The following RAB3C variants were observed in gnomAD, a reference collection of about 807,000 sequenced individuals.
RAB3C encodes the protein RAB3C, member RAS oncogene family, also known as ras-related protein Rab-3C.
In RAB3C, 17 loss-of-function variants were observed where a neutral mutation model predicts 26.4. The observed-to-expected ratio is 0.64, with a 90% CI of 0.44 to 0.97. The LOEUF (loss-of-function observed/expected upper bound fraction) is 0.97, where lower values mean the gene tolerates loss of function less well. Among genes scored for constraint, RAB3C ranks in the 50% least tolerant of loss-of-function variants. RAB3C has a pLI of 0.00. For synonymous variants in RAB3C, 91 were observed against 95.9 expected (o/e 0.95, Z 0.30); for missense variants, 242 against 281.9 (o/e 0.86, Z 1.01).
At chr5:58,781,626 G>A (rs1267153948) in intron 3 of RAB3C, among the ~76,000 whole-genome samples, 1 of 151,948 alleles carries the variant, frequency 6.6e-6, no homozygotes, top group African/African-American at 2.4e-5. Flanking sequence ...TTACTCTTTT[G>A]TTCATGTTTC....
intron 1 of RAB3C, among the ~76,000 whole-genome samples, chr5:58,598,991 A>C (rs1401460127): frequency 6.6e-6 from 1 of 152,126 alleles, no homozygotes; most frequent in South Asian, 2.1e-4. Flanking sequence ...TCCTTTGCTC[A>C]TCTCGCTATT....
chr5:58,693,386 C>G (rs1213582692), intron 2 of RAB3C, among the ~76,000 whole-genome samples: 1 of 135,378 alleles, frequency 7.4e-6, no homozygotes, highest in Non-Finnish European at 1.5e-5. Flanking sequence ...CCTTGCAATT[C>G]ACCTGGACTG....
chr5:58,743,768 A>C (rs2111951194), intron 3 of RAB3C, among the ~76,000 whole-genome samples: 1 of 152,298 alleles, frequency 6.6e-6, no homozygotes. Flanking sequence ...AATCTCTCCA[A>C]GTGGATTGCA....
In RAB3C at chr5:58,850,426, T is replaced by C. The variant is rs1483584590; in HGVS notation, c.497-738T>C. The stretch of plus-strand genomic sequence containing the variant: ...CCCTGGAGGGCTGTTGGAATAACAC[T>C]ACTCAAAAATTTTCTGAAGGAGGTT... On this transcript the variant is annotated intron_variant, in intron 4 of 4. Coordinates refer to ENST00000282878, the MANE Select transcript of RAB3C (RefSeq NM_138453.4). 2.0e-5 allele frequency among the ~76,000 whole-genome samples: 3 copies of C among 152,218 alleles called. No individual in the cohort carries two copies. In the East Asian group the frequency reaches 5.8e-4, roughly 29 times the overall value.
At chr5:58,722,768 G>A (rs1015231170) in intron 2 of RAB3C, among the ~76,000 whole-genome samples, 1 of 151,804 alleles carries the variant, frequency 6.6e-6, no homozygotes, top group Admixed American at 6.6e-5. Flanking sequence ...AAGTTCAAGA[G>A]TTGCTTCTTT....
rs1038370917 is a variant in RAB3C, at chr5:58,859,264, G to A, written c.*7913G>A. ...AATTATCTTTATTGAAATTAATTGT[G>A]TAAAAATGGTATGTGCTCTATTAGG... On this transcript the variant is annotated 3_prime_UTR_variant, in exon 5 of 5. Coordinates refer to ENST00000282878, the MANE Select transcript of RAB3C (RefSeq NM_138453.4). 3 of 152,188 alleles carry A rather than the reference G, an allele frequency of 2.0e-5. No homozygotes were observed. Among genetic ancestry groups the A allele is most frequent in the African/African-American group, 4.8e-5 (2 of 41,452 alleles). 9.4% of individuals were successfully genotyped at this position (152,188 alleles called of 1,614,324 possible).
At chr5:58,777,633 A>G (rs1374381833) in intron 3 of RAB3C, among the ~76,000 whole-genome samples, 1 of 149,418 alleles carries the variant, frequency 6.7e-6, no homozygotes, top group African/African-American at 2.5e-5. Flanking sequence ...TATAGGGTAC[A>G]TGTGCACAAC....
chr5:58,752,539 A>G (rs1741554588), intron 3 of RAB3C, among the ~76,000 whole-genome samples: 1 of 151,936 alleles, frequency 6.6e-6, no homozygotes. Context: ...GTTCATCTTG[A>G]ACTCTTTAGG....
At chr5:58,683,173 CT>C (rs1162763020) in intron 2 of RAB3C, among the ~76,000 whole-genome samples, 3 of 152,134 alleles carry the variant, frequency 2.0e-5, no homozygotes, top group Non-Finnish European at 4.4e-5. Context: ...TATTATATAG[CT>C]TTACACCATG....
At chr5:58,805,603 AAG>A (rs1554019804) in intron 3 of RAB3C, among the ~76,000 whole-genome samples, 1 of 132,936 alleles carries the variant, frequency 7.5e-6, no homozygotes, top group African/African-American at 2.8e-5. Context: ...AAAAAAAAAA[AAG>A]AGAGAGAGAG....
chr5:58,851,378 G>C lies in RAB3C; in HGVS notation c.*27G>C, dbSNP rs769449845. 6.5e-7 allele frequency: 1 copy of C among 1,537,662 alleles called. No individual in the cohort carries two copies. The highest frequency in any genetic ancestry group is 8.7e-7 in the Non-Finnish European group (1 of 1,145,980). On this transcript the variant is annotated 3_prime_UTR_variant, in exon 5 of 5. Coordinates refer to ENST00000282878, the MANE Select transcript of RAB3C (RefSeq NM_138453.4). ...GTCCCCGTGCACACAGGCAGCTCCA[G>C]GGGGCTCTGGTTGCCAACAAACAGC... is the stretch of plus-strand genomic sequence containing the variant.
At chr5:58,793,286 C>T (rs1321723959) in intron 3 of RAB3C, among the ~76,000 whole-genome samples, 6 of 152,074 alleles carry the variant, frequency 3.9e-5, no homozygotes, top group African/African-American at 9.7e-5. Flanking sequence ...TGGCCGGGCG[C>T]GGTGGCTCGT....
chr5:58,605,041 C>G (rs1007453429), intron 1 of RAB3C, among the ~76,000 whole-genome samples: 1 of 152,136 alleles, frequency 6.6e-6, no homozygotes, highest in Non-Finnish European at 1.5e-5. Context: ...TAATTTAACT[C>G]AGCTCCAGGT....
chr5:58,600,193 G>C (rs1190743040), intron 1 of RAB3C, among the ~76,000 whole-genome samples: 1 of 152,078 alleles, frequency 6.6e-6, no homozygotes, highest in Admixed American at 6.6e-5. Flanking sequence ...TGTTCCATTG[G>C]TCTACGGATC....
At chr5:58,691,901 A>T (rs1748577619) in intron 2 of RAB3C, among the ~76,000 whole-genome samples, 1 of 152,188 alleles carries the variant, frequency 6.6e-6, no homozygotes, top group African/African-American at 2.4e-5. Flanking sequence ...TGAATCTTCC[A>T]TTCTTCCCTT....
intron 3 of RAB3C, among the ~76,000 whole-genome samples, chr5:58,754,357 G>C (rs1036432788): frequency 2.8e-5 from 2 of 71,484 alleles, no homozygotes; most frequent in Non-Finnish European, 3.7e-5. Flanking sequence ...TCCTTACTTT[G>C]GGGGCTGAGT....
intron 3 of RAB3C, among the ~76,000 whole-genome samples, chr5:58,755,924 T>G (rs1423900116): frequency 6.6e-6 from 1 of 152,234 alleles, no homozygotes; most frequent in African/African-American, 2.4e-5. Context: ...AGATGAAATA[T>G]TAAAACTCAT....
At chr5:58,583,383 G>C (rs1238553436) in intron 1 of RAB3C, 151 bp downstream of exon 1, 13 of 1,506,774 alleles carry the variant, frequency 8.6e-6, no homozygotes, top group African/African-American at 1.4e-5. Context: ...ACAGAGTTGG[G>C]TTTCTTTACG....
At chr5:58,693,316 AAGAAAT>A (rs1748610080) in intron 2 of RAB3C, among the ~76,000 whole-genome samples, 1 of 127,762 alleles carries the variant, frequency 7.8e-6, no homozygotes, top group African/African-American at 3.0e-5. Context: ...AAATAAAATT[AAGAAAT>A]TATATATATA....
Sources: gnomAD v4.1 joint callset for allele counts (sites outside exome capture counted in the v4.1 genomes callset) on GRCh38, gnomAD v4.1.1 for gene constraint, MANE v1.5 for transcripts, NCBI Gene and HGNC (gene_info 2026-07-23, HGNC 2026-07-21) for gene names.